SORBS3: variants seen among roughly 807,000 people sequenced by gnomAD.
SORBS3 encodes the protein sorbin and SH3 domain containing 3.
SORBS3 carries 69 observed loss-of-function variants against 98.0 expected under a neutral mutation model. The ratio of observed to expected loss-of-function variants is 0.70; its 90% CI spans 0.58 to 0.86. SORBS3 has a LOEUF of 0.86. Among genes scored for constraint, SORBS3 ranks in the 40% least tolerant of loss-of-function variants. The probability of loss-of-function intolerance (pLI) is 0.00; values close to 1 mark genes in which losing one functional copy is unlikely to be tolerated. For missense variants in SORBS3, 954 were observed against 908.5 expected (o/e 1.05, Z -0.64); for synonymous variants, 394 against 355.4 (o/e 1.11, Z -1.22).
chr8:22,547,949 AC>A (rs57913681), upstream of SORBS3, among the ~76,000 whole-genome samples: 63 of 152,282 alleles, frequency 4.1e-4, no homozygotes, highest in African/African-American at 1.5e-3. Flanking sequence ...GGCCCTGAGA[AC>A]CCAGAATAGA....
Position 22,554,733 on chromosome 8 carries a change from T to TCGCTGGTTTCCCACAAAATC in SORBS3, c.102+126_103-110dup. ...GGGCTGAAGAGAGCTCTGGGGGGCC[T>TCGCTGGTTTCCCACAAAATC]CGCTGGTTTCCCACAAAATCGTCAG... is the stretch of plus-strand genomic sequence containing the variant. On this transcript the variant is annotated intron_variant, in intron 2 of 20. Transcript: ENST00000240123. This position sits in a 1 kb window ranked among gnomAD's most constrained non-coding sequence, Gnocchi z 6.5. 1 of 1,367,752 alleles carries TCGCTGGTTTCCCACAAAATC rather than the reference T, an allele frequency of 7.3e-7. No individual in the cohort carries two copies. Among genetic ancestry groups the TCGCTGGTTTCCCACAAAATC allele is most frequent in the Non-Finnish European group, 9.9e-7 (1 of 1,007,972 alleles). 84.7% of individuals were successfully genotyped at this position (1,367,752 alleles called of 1,614,324 possible). A position where few individuals can be genotyped will look rare whatever the true frequency, so the allele number is the denominator to read the frequency against.
intron 1 of SORBS3, among the ~76,000 whole-genome samples, chr8:22,553,686 C>T (rs945707350): frequency 2.6e-5 from 4 of 152,158 alleles, no homozygotes; most frequent in African/African-American, 9.7e-5. Flanking sequence ...AGCCAGGGAG[C>T]GCGTGTATGT....
upstream of SORBS3, among the ~76,000 whole-genome samples, chr8:22,547,386 A>G (rs747274920): frequency 5.3e-5 from 8 of 152,048 alleles, no homozygotes; most frequent in Non-Finnish European, 7.3e-5. Flanking sequence ...TTGATACAGT[A>G]GATGAATAAT....
chr8:22,547,042 G>A (rs1840023169), upstream of SORBS3, among the ~76,000 whole-genome samples: 1 of 152,194 alleles, frequency 6.6e-6, no homozygotes, highest in Non-Finnish European at 1.5e-5. Context: ...AAGGGCCACA[G>A]TGCAGTTTAC....
chr8:22,565,900 G>T (rs1267737125), intron 12 of SORBS3, 28 bp downstream of exon 12: 2 of 1,237,402 alleles, frequency 1.6e-6, no homozygotes, highest in Non-Finnish European at 2.0e-6. Flanking sequence ...GAGGAGGAAG[G>T]GGGCTGTCCC....
intron 1 of SORBS3, among the ~76,000 whole-genome samples, chr8:22,553,642 TCA>T (rs1334280906): frequency 6.6e-6 from 1 of 152,102 alleles, no homozygotes; most frequent in Non-Finnish European, 1.5e-5. Flanking sequence ...GACCCTGCAC[TCA>T]CAAAACAGCC....
At chr8:22,559,572 A>G (rs959472121) in intron 5 of SORBS3, among the ~76,000 whole-genome samples, 2 of 152,190 alleles carry the variant, frequency 1.3e-5, no homozygotes, top group Non-Finnish European at 2.9e-5. Context: ...ATGTGGCGGC[A>G]TGCACCTGTA....
chr8:22,552,022 G>C lies in SORBS3; in HGVS notation c.-56G>C. ...GCCCAGCCACCTGCTCGCCGGGGAA[G>C]GTAGGTCCGGGCAAGGAGGGGCGGG... On this transcript the variant is annotated splice_region_variant and 5_prime_UTR_variant, in exon 1 of 21. Coordinates refer to ENST00000240123, the MANE Select transcript of SORBS3 (RefSeq NM_005775.5). 1.0e-6 allele frequency: 1 copy of C among 985,102 alleles called. No homozygotes were observed. Among genetic ancestry groups the C allele is most frequent in the Non-Finnish European group, 1.2e-6 (1 of 829,882 alleles). 61.0% of individuals were successfully genotyped at this position (985,102 alleles called of 1,614,324 possible).
intron 1 of SORBS3, among the ~76,000 whole-genome samples, chr8:22,552,823 C>CG (rs1554547610): frequency 1.3e-5 from 2 of 152,156 alleles, no homozygotes; most frequent in African/African-American, 2.4e-5. Flanking sequence ...AACTCCCCCC[C>CG]GCAAGGGGAG....
chr8:22,566,188 C>G, intron 12 of SORBS3, 157 bp from the exon 13 acceptor site: 1 of 1,001,454 alleles, frequency 1.0e-6, no homozygotes, highest in Non-Finnish European at 1.4e-6. Context: ...CGCAGCGACT[C>G]GGGAAGTAGG....
chr8:22,564,833 G>A, intron 10 of SORBS3: 2 of 1,302,054 alleles, frequency 1.5e-6, no homozygotes, highest in Non-Finnish European at 2.0e-6. Flanking sequence ...GCCTGATTCG[G>A]CGAAGACCCA....
In SORBS3 at chr8:22,554,961, A is replaced by C. The variant is rs1407909948; in HGVS notation, c.201A>C (p.Arg67=). ...TVCNGGYTPR[R]DASQHPDPAW... ...GCAATGGGGGCTACACACCAAGACGAGATGCTTCCCAGCACCCGGGTAGGT... is the reference window on the plus strand; with the variant it reads ...GCAATGGGGGCTACACACCAAGACGCGATGCTTCCCAGCACCCGGGTAGGT... Residue 67 remains arginine, a synonymous_variant, in exon 3 of 21, where the codon CGA becomes CGC. Coordinates refer to ENST00000240123, the MANE Select transcript of SORBS3 (RefSeq NM_005775.5). This position sits in a 1 kb window ranked among gnomAD's most constrained non-coding sequence, Gnocchi z 6.5. 1 of 1,613,418 alleles carries C rather than the reference A, an allele frequency of 6.2e-7. No homozygotes were observed. Among genetic ancestry groups the C allele is most frequent in the Non-Finnish European group, 8.5e-7 (1 of 1,179,868 alleles).
At position 22,556,857 on chromosome 8, in the gene SORBS3, C is replaced by G; in HGVS notation, c.363C>G (p.Tyr121Ter). 1.2e-6 allele frequency: 2 copies of G among 1,613,452 alleles called. No individual in the cohort carries two copies. The highest frequency in any genetic ancestry group is 1.3e-5 in the African/African-American group (1 of 75,026). Residue 121 changes from tyrosine (Y) to a stop codon, truncating the protein, a stop_gained, in exon 4 of 21, where the codon TAC becomes TAG. Coordinates refer to ENST00000240123, the MANE Select transcript of SORBS3 (RefSeq NM_005775.5). LOFTEE classifies it high-confidence loss of function. ...SKRRDKRWVK[Y>*]EGIGPVDESG... ...GTCGGGACAAGCGCTGGGTCAAGTA[C>G]GAGGGAATCGGGCCCGTGGACGAGA...
At chr8:22,556,955 A>G (rs1270747335) in intron 4 of SORBS3, 47 bp downstream of exon 4, 10 of 1,597,346 alleles carry the variant, frequency 6.3e-6, no homozygotes, top group Non-Finnish European at 8.5e-6. Context: ...CCAGGGATCT[A>G]CAGGGAGCTG....
intron 19 of SORBS3, 35 bp downstream of exon 19, chr8:22,571,856 G>T: frequency 6.8e-7 from 1 of 1,465,880 alleles, no homozygotes; most frequent in South Asian, 1.1e-5. Context: ...ATCAGACGTG[G>T]GGGGGGTCAC....
chr8:22,565,823 C>G lies in SORBS3; in HGVS notation c.904-3C>G, dbSNP rs948515995. On this transcript the variant is annotated splice_region_variant and splice_polypyrimidine_tract_variant and intron_variant, in intron 11 of 20. Transcript: ENST00000240123. Reference sequence around the variant, plus strand: ...GCCCTGATTGCGCCGTTTCCCCGCGCAGAGCTCGCCGGCGCCCCGACGGGC... The same window carrying G: ...GCCCTGATTGCGCCGTTTCCCCGCGGAGAGCTCGCCGGCGCCCCGACGGGC... 1.2e-5 allele frequency: 16 copies of G among 1,309,248 alleles called. No individual in the cohort carries two copies. In the African/African-American group the frequency reaches 2.3e-4, roughly 19 times the overall value. The allele number at this position is 1,309,248 out of a possible 1,614,324, so 81.1% of individuals were successfully genotyped here.
chr8:22,548,735 C>T (rs1409186043), upstream of SORBS3, among the ~76,000 whole-genome samples: 1 of 152,182 alleles, frequency 6.6e-6, no homozygotes, highest in African/African-American at 2.4e-5. Flanking sequence ...CAAGGCGCTC[C>T]TCAAGAACTG....
upstream of SORBS3, chr8:22,551,653 C>T (rs954427803): frequency 4.5e-6 from 4 of 882,804 alleles, no homozygotes; most frequent in African/African-American, 5.4e-5. This position sits in a 1 kb window ranked among gnomAD's most constrained non-coding sequence, Gnocchi z 5.8. Flanking sequence ...GCGCCGCCTC[C>T]CCGCCGGCCA....
chr8:22,546,007 A>G (rs1840012243), intron 1 of SORBS3, among the ~76,000 whole-genome samples: 1 of 152,214 alleles, frequency 6.6e-6, no homozygotes, highest in Admixed American at 6.5e-5. Flanking sequence ...GAGGTGGTCA[A>G]GACGTCAGAC....
Sources: gnomAD v4.1 joint callset for allele counts (sites outside exome capture counted in the v4.1 genomes callset) on GRCh38, gnomAD v4.1.1 for gene constraint, Gnocchi (gnomAD v3.1) non-coding constraint, MANE v1.5 for transcripts, NCBI Gene and HGNC (gene_info 2026-07-23, HGNC 2026-07-21) for gene names.